The following PTPN4 variants were observed in gnomAD, a reference collection of about 807,000 sequenced individuals.
PTPN4 encodes tyrosine-protein phosphatase non-receptor type 4.
PTPN4 carries 49 observed loss-of-function variants against 135.5 expected under a neutral mutation model. The observed-to-expected ratio is 0.36, with a 90% CI of 0.29 to 0.46. The LOEUF (loss-of-function observed/expected upper bound fraction) is 0.46, where lower values mean the gene tolerates loss of function less well. Ranked by LOEUF, PTPN4 falls within the 20% of genes least tolerant of loss-of-function variation. The pLI is 1.00. For synonymous variants in PTPN4, 333 were observed against 369.9 expected (o/e 0.90, Z 1.14); for missense variants, 860 against 1,101.0 (o/e 0.78, Z 3.10).
At chr2:119,877,197 T>A (rs550790421) in intron 3 of PTPN4, 126 bp from the exon 4 acceptor site, 2 of 955,914 alleles carry the variant, frequency 2.1e-6, no homozygotes, top group Non-Finnish European at 3.1e-6. Context: ...AATGATTTTT[T>A]TCCTACCTGG....
At chr2:119,882,295 G>C in intron 7 of PTPN4, 146 bp downstream of exon 7, 1 of 1,031,292 alleles carries the variant, frequency 9.7e-7, no homozygotes, top group South Asian at 1.6e-5. Context: ...TCTCCAGTTA[G>C]TTAGCAATTA....
chr2:119,867,079 G>A (rs1415386871), intron 3 of PTPN4, among the ~76,000 whole-genome samples: 2 of 151,924 alleles, frequency 1.3e-5, no homozygotes, highest in African/African-American at 2.4e-5. Context: ...TTGAAGAACT[G>A]GAAAAAAGTT....
intron 1 of PTPN4, among the ~76,000 whole-genome samples, chr2:119,761,300 G>T (rs1253854304): frequency 6.6e-6 from 1 of 152,126 alleles, no homozygotes; most frequent in African/African-American, 2.4e-5. Flanking sequence ...AAAAGCCAGG[G>T]CATTTTTAAA....
chr2:119,958,534 C>G (rs900829672), intron 22 of PTPN4, among the ~76,000 whole-genome samples: 1 of 152,108 alleles, frequency 6.6e-6, no homozygotes, highest in Non-Finnish European at 1.5e-5. Flanking sequence ...AAATACTAAC[C>G]TCCAAATTAT....
At chr2:119,839,194 A>G (rs1185266925) in intron 2 of PTPN4, among the ~76,000 whole-genome samples, 1 of 152,152 alleles carries the variant, frequency 6.6e-6, no homozygotes, top group Non-Finnish European at 1.5e-5. Flanking sequence ...CCTCACCTCA[A>G]GTCCCCTTCT....
Position 119,862,640 on chromosome 2 carries a change from C to A in PTPN4, c.243C>A (p.Asn81Lys). Residue 81 changes from asparagine (N) to lysine (K), a missense_variant, in exon 3 of 27, where the codon AAC (asparagine) becomes AAA (lysine). Asn to Lys is a moderately conservative substitution (Grantham distance 94, BLOSUM62 0). Around this residue, in one of 2 missense-constraint regions of PTPN4, gnomAD observed 684 missense variants for 807.0 expected, o/e 0.85. Coordinates refer to ENST00000263708, the MANE Select transcript of PTPN4 (RefSeq NM_002830.4). ...AGTTGGCTGATGATTCCACAGATAA[C>A]CCAGTAAGTGTAAGATTTTGTCTTT... ...GLQLADDSTD[N>K]PRWLDPNKPI... The A allele has an allele frequency of 6.2e-7, 1 of 1,600,480 alleles. No individual in the cohort carries two copies. Among genetic ancestry groups the A allele is most frequent in the South Asian group, 1.1e-5 (1 of 90,068 alleles).
At chr2:119,859,149 C>T (rs575402842) in intron 2 of PTPN4, among the ~76,000 whole-genome samples, 36 of 152,252 alleles carry the variant, frequency 2.4e-4, no homozygotes, top group African/African-American at 7.7e-4. Context: ...TTCTTTTCAA[C>T]AGCATTCATA....
chr2:119,863,334 G>T (rs186780399), intron 3 of PTPN4, among the ~76,000 whole-genome samples: 1 of 152,104 alleles, frequency 6.6e-6, no homozygotes, highest in Non-Finnish European at 1.5e-5. Flanking sequence ...AATTCTGATT[G>T]AATTCTTTGT....
chr2:119,830,813 C>T (rs1677208814), intron 2 of PTPN4, among the ~76,000 whole-genome samples: 1 of 152,138 alleles, frequency 6.6e-6, no homozygotes, highest in Non-Finnish European at 1.5e-5. Flanking sequence ...CTTGCTCTCT[C>T]TTTGCCTTCC....
At chr2:119,956,215 T>A (rs1197065148) in intron 20 of PTPN4, among the ~76,000 whole-genome samples, 3 of 151,116 alleles carry the variant, frequency 2.0e-5, no homozygotes, top group Non-Finnish European at 4.4e-5. Flanking sequence ...TCAACCTAAT[T>A]TGTTTAAATT....
At chr2:119,843,227 T>C (rs1043964115) in intron 2 of PTPN4, among the ~76,000 whole-genome samples, 2 of 149,438 alleles carry the variant, frequency 1.3e-5, no homozygotes, top group Non-Finnish European at 1.5e-5. Context: ...TCTTTTTTTT[T>C]TTTTTTTTTT....
intron 1 of PTPN4, among the ~76,000 whole-genome samples, chr2:119,798,994 T>C (rs1163177983): frequency 6.6e-6 from 1 of 152,214 alleles, no homozygotes; most frequent in Non-Finnish European, 1.5e-5. Flanking sequence ...GTTTGATGGC[T>C]ACTCCTCGGC....
intron 19 of PTPN4, among the ~76,000 whole-genome samples, chr2:119,954,795 A>G (rs1679257650): frequency 6.6e-6 from 1 of 152,198 alleles, no homozygotes; most frequent in Non-Finnish European, 1.5e-5. Context: ...AACTTCTCAT[A>G]GTTAAACATA....
intron 1 of PTPN4, among the ~76,000 whole-genome samples, chr2:119,802,001 A>G (rs1178643755): frequency 6.7e-6 from 1 of 149,020 alleles, no homozygotes; most frequent in African/African-American, 2.5e-5. Context: ...CCTGGGTTCA[A>G]GCGATTCTCC....
At chr2:119,947,393 T>C (rs551541688) in intron 18 of PTPN4, among the ~76,000 whole-genome samples, 4 of 152,290 alleles carry the variant, frequency 2.6e-5, no homozygotes, top group Admixed American at 2.6e-4. Flanking sequence ...TATCATGTTA[T>C]GTGGTTTTGG....
At chr2:119,762,934 G>A (rs2104914198) in intron 1 of PTPN4, among the ~76,000 whole-genome samples, 1 of 152,176 alleles carries the variant, frequency 6.6e-6, no homozygotes, top group Admixed American at 6.5e-5. Flanking sequence ...TTGAAGTTTG[G>A]CTTAGCATTC....
intron 26 of PTPN4, among the ~76,000 whole-genome samples, chr2:119,971,203 A>G (rs893696988): frequency 1.3e-5 from 2 of 152,202 alleles, no homozygotes; most frequent in East Asian, 3.8e-4. Flanking sequence ...AAGGGGAAGC[A>G]AGCAGGTCTT....
intron 9 of PTPN4, among the ~76,000 whole-genome samples, chr2:119,899,748 T>G (rs778680720): frequency 6.6e-5 from 10 of 152,168 alleles, no homozygotes; most frequent in Non-Finnish European, 1.2e-4. Flanking sequence ...GATAATAGTG[T>G]ACTAAAATAA....
At chr2:119,871,399 T>C (rs1256873978) in intron 3 of PTPN4, among the ~76,000 whole-genome samples, 2 of 152,026 alleles carry the variant, frequency 1.3e-5, no homozygotes, top group African/African-American at 4.8e-5. Flanking sequence ...AAGAGAATAG[T>C]TGAATAAAGT....
Sources: gnomAD v4.1 joint callset for allele counts (sites outside exome capture counted in the v4.1 genomes callset) on GRCh38, gnomAD v4.1.1 for gene constraint, gnomAD v4.1.1 regional missense constraint, MANE v1.5 for transcripts, NCBI Gene and HGNC (gene_info 2026-07-23, HGNC 2026-07-21) for gene names.